Variants in DGKB observed in about 807,000 individuals in gnomAD.
DGKB encodes diacylglycerol kinase beta.
In DGKB, 67 loss-of-function variants were observed where a neutral mutation model predicts 114.3. That is an observed-to-expected ratio of 0.59 (90% confidence interval 0.48 to 0.72). The LOEUF is 0.72. Among genes scored for constraint, DGKB ranks in the 30% least tolerant of loss-of-function variants. The pLI is 0.00. For missense variants in DGKB, 907 were observed against 975.2 expected (o/e 0.93, Z 0.93); for synonymous variants, 398 against 323.1 (o/e 1.23, Z -2.49).
At chr7:14,965,915 A>G (rs775351619) in intron 1 of DGKB, among the ~76,000 whole-genome samples, 1 of 152,122 alleles carries the variant, frequency 6.6e-6, no homozygotes, top group Non-Finnish European at 1.5e-5. Flanking sequence ...ATTTTTGTAC[A>G]TCATGATATG....
intron 2 of DGKB, among the ~76,000 whole-genome samples, chr7:14,772,055 C>A (rs181097486): frequency 6.6e-6 from 1 of 152,192 alleles, no homozygotes; most frequent in Admixed American, 6.6e-5. Context: ...TAGAAGCCCC[C>A]GGCTTTGAGC....
Position 14,533,034 on chromosome 7 carries a change from C to A in DGKB, c.1770+41178G>T, listed in dbSNP as rs10280763. On this transcript the variant is annotated intron_variant, in intron 20 of 25. Transcript: ENST00000402815. ...ATAAAATTCCCATAACCAACTCTAACGAAATGAAAGTCTACAAAGTACCTG... is the reference window on the plus strand; with the variant it reads ...ATAAAATTCCCATAACCAACTCTAAAGAAATGAAAGTCTACAAAGTACCTG... Among the ~76,000 whole-genome samples, 1,341 of 151,742 alleles carry A rather than the reference C, an allele frequency of 8.8e-3. 8 individuals are homozygous for A. The highest frequency in any genetic ancestry group is 0.017 in the Middle Eastern group (5 of 294).
chr7:14,657,160 A>G (rs1458602463), intron 13 of DGKB, among the ~76,000 whole-genome samples: 1 of 151,800 alleles, frequency 6.6e-6, no homozygotes, highest in Non-Finnish European at 1.5e-5. Flanking sequence ...ATACATGTAC[A>G]TGAAGAATAT....
At chr7:14,236,103 A>T (rs1279768279) in intron 23 of DGKB, among the ~76,000 whole-genome samples, 1 of 152,100 alleles carries the variant, frequency 6.6e-6, no homozygotes, top group East Asian at 1.9e-4. Flanking sequence ...ATTGCAAATT[A>T]AGAAAAAAAT....
chr7:14,512,376 A>T (rs74921113), intron 20 of DGKB, among the ~76,000 whole-genome samples: 12,192 of 152,190 alleles, frequency 0.08, 901 homozygotes, highest in East Asian at 0.44. Flanking sequence ...ATAATCAATG[A>T]CTATCCAAAG....
At chr7:14,640,803 C>A (rs1811632797) in intron 13 of DGKB, among the ~76,000 whole-genome samples, 1 of 152,298 alleles carries the variant, frequency 6.6e-6, no homozygotes, top group African/African-American at 2.4e-5. Flanking sequence ...TAAATACTTT[C>A]TGATCACCAC....
intron 4 of DGKB, among the ~76,000 whole-genome samples, chr7:14,741,341 A>G (rs1445003937): frequency 6.6e-6 from 1 of 152,198 alleles, no homozygotes; most frequent in East Asian, 1.9e-4. Context: ...GTTTTGATTA[A>G]TCAAAAAGTA....
intron 5 of DGKB, among the ~76,000 whole-genome samples, chr7:14,729,178 A>T (rs367767370): frequency 6.1e-5 from 8 of 132,150 alleles, no homozygotes; most frequent in South Asian, 2.3e-4. Context: ...GCTGGAGTGC[A>T]GTGGCGCCAT....
intron 21 of DGKB, among the ~76,000 whole-genome samples, chr7:14,427,414 GTCT>G (rs1325092994): frequency 6.6e-6 from 1 of 152,008 alleles, no homozygotes; most frequent in Non-Finnish European, 1.5e-5. Flanking sequence ...ACATTTTCCT[GTCT>G]TCTTCTGAGC....
At chr7:14,717,828 A>G (rs528687237) in intron 6 of DGKB, among the ~76,000 whole-genome samples, 17 of 152,288 alleles carry the variant, frequency 1.1e-4, no homozygotes, top group African/African-American at 3.6e-4. Flanking sequence ...CAGAGATAGA[A>G]TAGATGATCA....
chr7:14,789,676 T>C (rs10226574), intron 2 of DGKB, among the ~76,000 whole-genome samples: 55,556 of 151,886 alleles, frequency 0.37, 11,699 homozygotes, highest in African/African-American at 0.59. Context: ...ACCTCAGCCT[T>C]CCCAGTAGCT....
chr7:14,903,839 G>A (rs1042338588), upstream of DGKB, among the ~76,000 whole-genome samples: 1 of 152,170 alleles, frequency 6.6e-6, no homozygotes, highest in African/African-American at 2.4e-5. Context: ...AAACCAGACA[G>A]TTATTAAGCA....
At chr7:14,154,432 T>A (rs567415418) in intron 25 of DGKB, among the ~76,000 whole-genome samples, 1 of 152,026 alleles carries the variant, frequency 6.6e-6, no homozygotes, top group South Asian at 2.1e-4. Context: ...CTAGGGACTT[T>A]GAGCAAGTTA....
At chr7:14,919,456 C>G (rs115444002) in intron 1 of DGKB, among the ~76,000 whole-genome samples, 2,139 of 152,220 alleles carry the variant, frequency 0.014, 56 homozygotes, top group African/African-American at 0.049. Context: ...GAAACCTATA[C>G]AGAGACCTTA....
intron 23 of DGKB, among the ~76,000 whole-genome samples, chr7:14,305,014 AGTT>A (rs758770109): frequency 2.6e-5 from 4 of 152,130 alleles, no homozygotes; most frequent in African/African-American, 7.2e-5. Context: ...AATAAATAAT[AGTT>A]GTTCACATTT....
intron 1 of DGKB, among the ~76,000 whole-genome samples, chr7:14,912,805 A>C: frequency 6.6e-6 from 1 of 151,938 alleles, no homozygotes; most frequent in East Asian, 1.9e-4. Flanking sequence ...TTTCCCACAC[A>C]TATGAGTGTC....
intron 17 of DGKB, among the ~76,000 whole-genome samples, chr7:14,584,667 T>A (rs761207243): frequency 6.6e-6 from 1 of 151,248 alleles, no homozygotes; most frequent in Non-Finnish European, 1.5e-5. Context: ...TTATTTTTAT[T>A]TTTTTTTTGA....
At chr7:14,777,072 G>A (rs1838309593) in intron 2 of DGKB, among the ~76,000 whole-genome samples, 2 of 152,148 alleles carry the variant, frequency 1.3e-5, no homozygotes, top group African/African-American at 2.4e-5. Flanking sequence ...TTTAATGACT[G>A]CCCTATTGGA....
chr7:14,803,127 A>G (rs1842387222), intron 2 of DGKB, among the ~76,000 whole-genome samples: 1 of 151,648 alleles, frequency 6.6e-6, no homozygotes, highest in South Asian at 2.1e-4. Flanking sequence ...CTTATTTTAG[A>G]GACAGGATCT....
Sources: gnomAD v4.1 joint callset for allele counts (sites outside exome capture counted in the v4.1 genomes callset) on GRCh38, gnomAD v4.1.1 for gene constraint, MANE v1.5 for transcripts, NCBI Gene and HGNC (gene_info 2026-07-23, HGNC 2026-07-21) for gene names.